The following VAT1L variants were observed in gnomAD, a reference collection of about 807,000 sequenced individuals.
The protein encoded by VAT1L is vesicle amine transport 1 like, also known as putative NADPH-dependent quinone oxidoreductase VAT1L.
VAT1L carries 34 observed loss-of-function variants against 44.1 expected under a neutral mutation model. The ratio of observed to expected loss-of-function variants is 0.77; its 90% confidence interval spans 0.59 to 1.03. The LOEUF is 1.03. Among genes scored for constraint, VAT1L ranks in the 50% least tolerant of loss-of-function variants. VAT1L has a pLI of 0.00. For synonymous variants in VAT1L, 253 were observed against 202.2 expected (o/e 1.25, Z -2.13); for missense variants, 615 against 538.8 (o/e 1.14, Z -1.40).
At chr16:77,896,113 G>T (rs367596181) in intron 7 of VAT1L, among the ~76,000 whole-genome samples, 1 of 152,194 alleles carries the variant, frequency 6.6e-6, no homozygotes, top group Non-Finnish European at 1.5e-5. Context: ...CCCGCCAACC[G>T]CCGGAATATA....
chr16:77,880,531 C>T (rs2017140180), intron 6 of VAT1L, among the ~76,000 whole-genome samples: 1 of 150,716 alleles, frequency 6.6e-6, no homozygotes. Context: ...TTGAAATGAA[C>T]CACCAGTACA....
intron 7 of VAT1L, among the ~76,000 whole-genome samples, chr16:77,958,525 T>G (rs1482458097): frequency 6.6e-6 from 1 of 152,132 alleles, no homozygotes; most frequent in Non-Finnish European, 1.5e-5. Context: ...ACCACCCAAA[T>G]CCAGCACTGT....
At position 77,920,927 on chromosome 16, in the gene VAT1L, CTGTG is replaced by C. The variant is rs10553687; in HGVS notation, c.1077+36143_1077+36146del. 3.2e-3 allele frequency among the ~76,000 whole-genome samples: 481 copies of C among 150,558 alleles called. 4 individuals carry two copies. Among genetic ancestry groups the C allele is most frequent in the African/African-American group, 0.011 (453 of 41,084 alleles). Reference sequence around the variant, plus strand: ...ATCCTCATCATTAGGTGTCATATGACTGTGTGTGTGTGTGTGTGTGTAGTGTGTA... The same window carrying C: ...ATCCTCATCATTAGGTGTCATATGACTGTGTGTGTGTGTGTGTAGTGTGTA... On this transcript the variant is annotated intron_variant, in intron 7 of 8. Transcript: ENST00000302536.
chr16:77,885,014 A>C (rs2017195715), intron 7 of VAT1L, among the ~76,000 whole-genome samples: 1 of 152,224 alleles, frequency 6.6e-6, no homozygotes, highest in Non-Finnish European at 1.5e-5. Flanking sequence ...GTGCCTCATC[A>C]CACCATTTGT....
intron 3 of VAT1L, among the ~76,000 whole-genome samples, chr16:77,850,701 T>G (rs1038233204): frequency 2.0e-5 from 3 of 152,070 alleles, no homozygotes; most frequent in African/African-American, 7.2e-5. Flanking sequence ...AACCACAACT[T>G]CAAACTGTGG....
chr16:77,955,768 A>G (rs2018097384), intron 7 of VAT1L, among the ~76,000 whole-genome samples: 1 of 150,540 alleles, frequency 6.6e-6, no homozygotes, highest in Admixed American at 6.6e-5. Context: ...GAGTGAAATG[A>G]CCCAGGGACA....
At chr16:77,951,459 T>C (rs2018041782) in intron 7 of VAT1L, among the ~76,000 whole-genome samples, 1 of 152,040 alleles carries the variant, frequency 6.6e-6, no homozygotes, top group Non-Finnish European at 1.5e-5. Context: ...AGCAGGAGAA[T>C]CGCTTGAACC....
chr16:77,813,553 A>T (rs893954491), intron 1 of VAT1L, among the ~76,000 whole-genome samples: 2 of 152,218 alleles, frequency 1.3e-5, no homozygotes, highest in African/African-American at 4.8e-5. Flanking sequence ...CAGCAATGGA[A>T]GTCTACAAAG....
Position 77,816,979 on chromosome 16 carries a change from A to G in VAT1L, c.292A>G (p.Thr98Ala). 1 of 1,613,708 alleles carries G rather than the reference A, an allele frequency of 6.2e-7. No individual in the cohort carries two copies. Among genetic ancestry groups the G allele is most frequent in the Non-Finnish European group, 8.5e-7 (1 of 1,179,870 alleles). Residue 98 changes from threonine (T) to alanine (A), a missense_variant, in exon 2 of 9, where the codon ACT becomes GCT. Thr to Ala is a moderately conservative substitution (Grantham distance 58). Transcript: ENST00000302536. ...AGGGAATATTGACAACCCTCCCAAGACTCCCCTGGTGCCAGGATTTGAGTG... is the reference window on the plus strand; with the variant it reads ...AGGGAATATTGACAACCCTCCCAAGGCTCCCCTGGTGCCAGGATTTGAGTG... ...RQGNIDNPPKTPLVPGFECSG... is the reference protein window; with the variant it reads ...RQGNIDNPPKAPLVPGFECSG...
At chr16:77,964,903 G>A (rs2018206755) in intron 7 of VAT1L, among the ~76,000 whole-genome samples, 1 of 147,762 alleles carries the variant, frequency 6.8e-6, no homozygotes, top group South Asian at 2.1e-4. Flanking sequence ...AAGCAATTCT[G>A]CCTCAGCCTC....
intron 2 of VAT1L, among the ~76,000 whole-genome samples, chr16:77,824,862 C>CTTTTTTT (rs756573336): frequency 2.7e-5 from 2 of 75,464 alleles, no homozygotes; most frequent in African/African-American, 1.1e-4. Context: ...CCCAATAATG[C>CTTTTTTT]TTTTTTTTTT....
At chr16:77,824,713 G>A (rs2016497757) in intron 2 of VAT1L, among the ~76,000 whole-genome samples, 1 of 146,904 alleles carries the variant, frequency 6.8e-6, no homozygotes, top group Admixed American at 6.8e-5. Flanking sequence ...CTGAGATCAC[G>A]CCACTGCCCT....
At chr16:77,869,727 T>C (rs1371198544) in intron 4 of VAT1L, among the ~76,000 whole-genome samples, 1 of 152,008 alleles carries the variant, frequency 6.6e-6, no homozygotes, top group Non-Finnish European at 1.5e-5. Flanking sequence ...ATGAGCTGGC[T>C]CTGGAAGTTA....
chr16:77,935,262 G>T (rs1015896158), intron 7 of VAT1L, among the ~76,000 whole-genome samples: 1 of 152,140 alleles, frequency 6.6e-6, no homozygotes, highest in Non-Finnish European at 1.5e-5. Flanking sequence ...CAGTTTTAAA[G>T]TGATAATTGA....
intron 8 of VAT1L, 99 bp downstream of exon 8, chr16:77,972,032 C>T: frequency 4.3e-6 from 5 of 1,175,868 alleles, no homozygotes; most frequent in Non-Finnish European, 6.0e-6. Context: ...GTACAGGTAG[C>T]CTGTGGGCTA....
chr16:77,940,447 G>A lies in VAT1L; in HGVS notation c.1078-31403G>A, dbSNP rs781721045. ...CAACCTCTGCCTCCCGGGTTCAAGC[G>A]ATTCTCCTGCCTCAGCCTCCTGAGT... On this transcript the variant is annotated intron_variant, in intron 7 of 8. Coordinates refer to ENST00000302536, the MANE Select transcript of VAT1L (RefSeq NM_020927.3). Among the ~76,000 whole-genome samples, 8 of 148,674 alleles carry A rather than the reference G, an allele frequency of 5.4e-5. No individual in the cohort carries two copies. The East Asian group carries it at 6.2e-4, about 11-fold the overall frequency.
At chr16:77,805,867 T>TTC (rs899104934) in intron 1 of VAT1L, among the ~76,000 whole-genome samples, 10 of 121,900 alleles carry the variant, frequency 8.2e-5, no homozygotes, top group African/African-American at 2.2e-4. Flanking sequence ...GTCTCTGCCT[T>TTC]TTTTTTTTTT....
At chr16:77,844,449 C>T (rs2016738155) in intron 3 of VAT1L, among the ~76,000 whole-genome samples, 1 of 151,980 alleles carries the variant, frequency 6.6e-6, no homozygotes, top group South Asian at 2.1e-4. Flanking sequence ...TGCTCTGTCA[C>T]CCAGACTGGA....
In VAT1L at chr16:77,788,841, C is replaced by T. The variant is rs775768419; in HGVS notation, c.159C>T (p.Leu53=). ...TGGTGCTGGCTGGCTTCGGGGGGCTCAACAAGCTGCGGCTCTTCAGGAAGG... is the reference window on the plus strand; with the variant it reads ...TGGTGCTGGCTGGCTTCGGGGGGCTTAACAAGCTGCGGCTCTTCAGGAAGG... ...RAVVLAGFGG[L]NKLRLFRKAM... Residue 53 remains leucine, a synonymous_variant, in exon 1 of 9, where the codon CTC becomes CTT. Coordinates refer to ENST00000302536, the MANE Select transcript of VAT1L (RefSeq NM_020927.3). The T allele has an allele frequency of 4.7e-4, 746 of 1,579,238 alleles. 5 individuals are homozygous for T. Among genetic ancestry groups the T allele is most frequent in the South Asian group, 2.3e-5 (2 of 85,810 alleles).
Sources: allele counts gnomAD v4.1 joint callset (sites outside exome capture counted in the v4.1 genomes callset), GRCh38; gene constraint gnomAD v4.1.1; transcripts MANE v1.5; gene names NCBI Gene and HGNC (gene_info 2026-07-23, HGNC 2026-07-21).